The following CLDN16 variants were observed in gnomAD, a reference collection of about 807,000 sequenced individuals.
The protein encoded by CLDN16 is claudin-16.
In CLDN16, 13 loss-of-function variants were observed where a neutral mutation model predicts 24.6. That is an observed-to-expected ratio of 0.53 (90% confidence interval 0.34 to 0.84). CLDN16 has a LOEUF of 0.84. Among genes scored for constraint, CLDN16 ranks in the 40% least tolerant of loss-of-function variants. The pLI is 0.01. For missense variants in CLDN16, 298 were observed against 292.7 expected, an observed-to-expected ratio of 1.02 and a Z score of -0.13; for synonymous variants, 116 against 106.7, an observed-to-expected ratio of 1.09 and a Z score of -0.54.
chr3:190,351,888 A>T (rs1184957731), intron 1 of CLDN16, among the ~76,000 whole-genome samples: 1 of 152,140 alleles, frequency 6.6e-6, no homozygotes, highest in African/African-American at 2.4e-5. Flanking sequence ...TTAATTGTGG[A>T]AACATTCAAG....
intron 3 of CLDN16, among the ~76,000 whole-genome samples, chr3:190,407,549 A>G (rs1719137192): frequency 6.6e-6 from 1 of 152,178 alleles, no homozygotes; most frequent in African/African-American, 2.4e-5. Flanking sequence ...CCAACTCACC[A>G]CATTTCTTAT....
intron 3 of CLDN16, among the ~76,000 whole-genome samples, chr3:190,379,005 T>C (rs1158977608): frequency 6.6e-6 from 1 of 152,080 alleles, no homozygotes; most frequent in Non-Finnish European, 1.5e-5. Context: ...ATAATGATAG[T>C]TATTTCCATT....
chr3:190,396,985 C>G (rs1479934735), intron 1 of CLDN16, among the ~76,000 whole-genome samples: 1 of 152,140 alleles, frequency 6.6e-6, no homozygotes, highest in Non-Finnish European at 1.5e-5. Context: ...TGTGGGGAAC[C>G]TGGTGAGCCT....
At chr3:190,313,036 CCTGGCAG>C in the CLDN16 span, 1 of 1,614,066 alleles carries the variant, frequency 6.2e-7, no homozygotes, top group Non-Finnish European at 8.5e-7. Context: ...TTGCAATGTG[CCTGGCAG>C]AAAACATTTT....
intron 1 of CLDN16, among the ~76,000 whole-genome samples, chr3:190,395,389 G>A (rs1464293764): frequency 1.3e-5 from 2 of 151,966 alleles, no homozygotes; most frequent in East Asian, 3.8e-4. Flanking sequence ...GATTATTTTA[G>A]TCTTGCTCCC....
At chr3:190,351,614 GTTA>G (rs1177507427) in intron 1 of CLDN16, among the ~76,000 whole-genome samples, 1 of 152,040 alleles carries the variant, frequency 6.6e-6, no homozygotes, top group African/African-American at 2.4e-5. Flanking sequence ...TATTGTTGTT[GTTA>G]TTATTACTTT....
chr3:190,368,367 T>C (rs1271722267), intron 1 of CLDN16, among the ~76,000 whole-genome samples: 1 of 151,960 alleles, frequency 6.6e-6, no homozygotes, highest in Non-Finnish European at 1.5e-5. Flanking sequence ...CTTTCCCCCA[T>C]TGTGCCTTCA....
the CLDN16 span, among the ~76,000 whole-genome samples, chr3:190,311,668 G>A: frequency 2.0e-5 from 3 of 150,114 alleles, no homozygotes; most frequent in Non-Finnish European, 4.4e-5. Flanking sequence ...CTAATATAGA[G>A]AACATATAGT....
chr3:190,328,723 A>G (rs907648178), intron 1 of CLDN16, among the ~76,000 whole-genome samples: 1 of 152,160 alleles, frequency 6.6e-6, no homozygotes, highest in African/African-American at 2.4e-5. Flanking sequence ...CAGTGTTACA[A>G]ACTGGTGAGT....
the CLDN16 span, among the ~76,000 whole-genome samples, chr3:190,297,778 G>GAA: frequency 7.5e-6 from 1 of 134,076 alleles, no homozygotes; most frequent in South Asian, 2.3e-4. Context: ...ATACATACCT[G>GAA]AAAAAAAAAA....
At chr3:190,384,049 A>G (rs1417414593), upstream of CLDN16, among the ~76,000 whole-genome samples, 1 of 152,208 alleles carries the variant, frequency 6.6e-6, no homozygotes, top group Non-Finnish European at 1.5e-5. Flanking sequence ...GATCTGTCAT[A>G]TATAAATGGG....
upstream of CLDN16, chr3:190,322,102 A>G (rs1406310131): frequency 6.2e-7 from 1 of 1,614,206 alleles, no homozygotes; most frequent in Admixed American, 1.7e-5. Flanking sequence ...TGTCGCCGGC[A>G]TAGGAGTAAA....
intron 2 of CLDN16, among the ~76,000 whole-genome samples, 198 bp from the exon 3 acceptor site, chr3:190,404,564 C>G (rs560396798): frequency 6.6e-6 from 1 of 152,072 alleles, no homozygotes; most frequent in African/African-American, 2.4e-5. Flanking sequence ...GTTAAACAAG[C>G]AATAATGTCA....
At chr3:190,369,585 T>C (rs1392119974) in intron 1 of CLDN16, among the ~76,000 whole-genome samples, 1 of 151,990 alleles carries the variant, frequency 6.6e-6, no homozygotes, top group African/African-American at 2.4e-5. Context: ...CTTTTTCTAA[T>C]AGAAATTGTA....
the CLDN16 span, among the ~76,000 whole-genome samples, chr3:190,303,463 A>G: frequency 6.6e-6 from 1 of 152,194 alleles, no homozygotes; most frequent in Non-Finnish European, 1.5e-5. Context: ...TTCAAACTTT[A>G]TCTTTCCTAA....
At chr3:190,393,898 G>A (rs756356468) in intron 1 of CLDN16, among the ~76,000 whole-genome samples, 4 of 151,798 alleles carry the variant, frequency 2.6e-5, no homozygotes, top group Non-Finnish European at 5.9e-5. Flanking sequence ...CTACAGGCAA[G>A]CACCACCACA....
intron 1 of CLDN16, among the ~76,000 whole-genome samples, chr3:190,396,239 A>T (rs1449666175): frequency 6.6e-6 from 1 of 152,180 alleles, no homozygotes; most frequent in Non-Finnish European, 1.5e-5. Context: ...TTTAAGTGAC[A>T]TCCTACTCAT....
chr3:190,308,943 C>T, the CLDN16 span, among the ~76,000 whole-genome samples: 1 of 152,036 alleles, frequency 6.6e-6, no homozygotes, highest in African/African-American at 2.4e-5. Flanking sequence ...TCTAAGCAGC[C>T]CATGAACCAT....
chr3:190,296,894 C>T, the CLDN16 span, among the ~76,000 whole-genome samples: 1 of 152,060 alleles, frequency 6.6e-6, no homozygotes, highest in Non-Finnish European at 1.5e-5. Flanking sequence ...GGATTGTGAA[C>T]AGTAGAGTGA....
Sources: allele counts gnomAD v4.1 joint callset (sites outside exome capture counted in the v4.1 genomes callset), GRCh38; gene constraint gnomAD v4.1.1; transcripts MANE v1.5; gene names NCBI Gene and HGNC (gene_info 2026-07-23, HGNC 2026-07-21).